BET1: variants seen among roughly 807,000 people sequenced by gnomAD.
BET1 encodes the protein Bet1 golgi vesicular membrane trafficking protein.
BET1 carries 9 observed loss-of-function variants against 13.9 expected under a neutral mutation model. That is an observed-to-expected ratio of 0.65 (90% confidence interval 0.39 to 1.13). The LOEUF is 1.13. BET1 is among the 50% of genes most tolerant of loss of function. The probability of loss-of-function intolerance (pLI) is 0.01; values close to 1 mark genes in which losing one functional copy is unlikely to be tolerated. For missense variants in BET1, 127 were observed against 133.6 expected (o/e 0.95, Z 0.24); for synonymous variants, 39 against 47.3 (o/e 0.82, Z 0.72).
chr7:93,974,307 CTGTT>C (rs747863472), intron 5 of BET1, among the ~76,000 whole-genome samples: 3 of 151,930 alleles, frequency 2.0e-5, no homozygotes, highest in East Asian at 3.9e-4. Context: ...TAGTGACACT[CTGTT>C]AGTAGTAAGC....
chr7:93,990,552 T>C (rs1012547360), downstream of BET1, among the ~76,000 whole-genome samples: 2 of 152,136 alleles, frequency 1.3e-5, no homozygotes. Flanking sequence ...AAAGTCAGAT[T>C]CAGCTGTCTG....
intron 1 of BET1, among the ~76,000 whole-genome samples, chr7:94,003,740 T>G (rs1400189844): frequency 6.6e-6 from 1 of 152,200 alleles, no homozygotes; most frequent in Non-Finnish European, 1.5e-5. Context: ...TACATTTACC[T>G]TTGTAACTCA....
At chr7:93,992,952 G>A (rs954947725), downstream of BET1, 17 of 985,214 alleles carry the variant, frequency 1.7e-5, no homozygotes, top group Non-Finnish European at 2.0e-5. Context: ...TAACCTGTCA[G>A]GTAGAGGCCC....
intron 4 of BET1, among the ~76,000 whole-genome samples, chr7:93,976,997 T>G (rs1795346529): frequency 6.6e-5 from 10 of 152,200 alleles, no homozygotes. Flanking sequence ...TTCCTGCGAA[T>G]GCCCTTATTT....
chr7:93,987,444 A>G (rs1323497148), intron 4 of BET1, among the ~76,000 whole-genome samples: 1 of 152,168 alleles, frequency 6.6e-6, no homozygotes, highest in Non-Finnish European at 1.5e-5. Flanking sequence ...TCTTGTTCCA[A>G]TGGCTATCTT....
At chr7:93,973,783 G>A (rs922480009) in intron 5 of BET1, among the ~76,000 whole-genome samples, 1 of 151,938 alleles carries the variant, frequency 6.6e-6, no homozygotes, top group Non-Finnish European at 1.5e-5. Flanking sequence ...CTACATAAAG[G>A]TTTTAAAATG....
intron 6 of BET1, chr7:93,968,423 TA>T (rs1795208654): frequency 6.6e-6 from 1 of 151,816 alleles, no homozygotes; most frequent in Admixed American, 6.6e-5. Context: ...TTGACATTCT[TA>T]ACAATGTGCA....
At chr7:93,982,117 T>G (rs1266319470) in intron 4 of BET1, among the ~76,000 whole-genome samples, 1 of 152,144 alleles carries the variant, frequency 6.6e-6, no homozygotes, top group Non-Finnish European at 1.5e-5. Context: ...CATAATCTGC[T>G]AAAGGCAGGA....
intron 6 of BET1, among the ~76,000 whole-genome samples, chr7:93,969,902 GAATTGCAGAAAACAAT>G (rs1173056748): frequency 6.6e-4 from 100 of 151,834 alleles, no homozygotes; most frequent in African/African-American, 2.3e-3. Flanking sequence ...TTTCAAAATT[GAATTGCAGAAAACAAT>G]GTATACTATT....
chr7:93,976,699 T>C (rs1043518497), intron 4 of BET1, among the ~76,000 whole-genome samples: 6 of 152,088 alleles, frequency 3.9e-5, no homozygotes, highest in Admixed American at 6.6e-5. Context: ...ATTTCAATCG[T>C]TTTCGGAGAA....
chr7:93,988,759 T>G (rs1795573101), downstream of BET1, among the ~76,000 whole-genome samples: 1 of 151,798 alleles, frequency 6.6e-6, no homozygotes, highest in South Asian at 2.1e-4. Flanking sequence ...GAATATAATT[T>G]AGGTAAAAGA....
At chr7:93,974,369 G>T (rs576075667) in intron 5 of BET1, among the ~76,000 whole-genome samples, 1 of 151,972 alleles carries the variant, frequency 6.6e-6, no homozygotes, top group Non-Finnish European at 1.5e-5. Flanking sequence ...TCTAATAAAA[G>T]GAACCAGAAC....
intron 1 of BET1, chr7:93,999,514 T>G (rs995909672): frequency 1.9e-6 from 1 of 523,012 alleles, no homozygotes; most frequent in Non-Finnish European, 3.4e-6. Context: ...TTCAGTTCAT[T>G]TTGATACACA....
intron 5 of BET1, among the ~76,000 whole-genome samples, chr7:93,973,836 C>A (rs1390761938): frequency 2.0e-5 from 3 of 151,964 alleles, no homozygotes; most frequent in African/African-American, 7.2e-5. Flanking sequence ...CAAACTGTAG[C>A]AAATGTATCT....
downstream of BET1, among the ~76,000 whole-genome samples, chr7:93,990,172 T>A (rs1379365304): frequency 2.0e-5 from 3 of 151,968 alleles, no homozygotes; most frequent in African/African-American, 4.8e-5. Context: ...AATCTGTGTA[T>A]AATCAGACTA....
downstream of BET1, among the ~76,000 whole-genome samples, chr7:93,991,239 A>G (rs745584833): frequency 9.2e-5 from 14 of 152,224 alleles, no homozygotes; most frequent in Non-Finnish European, 2.1e-4. Flanking sequence ...GTTGAGAAAA[A>G]GTTAACATAT....
intron 3 of BET1, among the ~76,000 whole-genome samples, chr7:93,994,823 A>C (rs960762011): frequency 6.6e-6 from 1 of 152,218 alleles, no homozygotes; most frequent in Admixed American, 6.5e-5. Context: ...TAATACGGTT[A>C]GCAGTTAAAT....
rs17165956 is a variant in BET1, at chr7:93,994,331, T to C, written c.256A>G (p.Lys86Glu). 6.2e-7 allele frequency: 1 copy of C among 1,613,710 alleles called. No homozygotes were observed. Among genetic ancestry groups the C allele is most frequent in the Non-Finnish European group, 8.5e-7 (1 of 1,179,850 alleles). ...GTTTGGCTCCCTCTGGATAAAATCT[T>C]CAGTTTGCCCATAGTTTTACCTAGA... ...GFLGKTMGKL[K>E]ILSRGSQTKL... The change falls in exon 4 of 4, where the codon AAG becomes GAG. Residue 86 changes from lysine (K) to glutamate (E), a missense_variant. Transcript: ENST00000222547.
chr7:94,004,193 C>G lies in BET1; in HGVS notation c.19+5G>C, dbSNP rs1795976859. On this transcript the variant is annotated splice_donor_5th_base_variant and intron_variant, in intron 1 of 3. Coordinates refer to ENST00000222547, the MANE Select transcript of BET1 (RefSeq NM_005868.6). ...CCGAACTTCGAACCTCAGCCCTCTT[C>G]TTACCCAGGCCTGCACGCCTCATCC... The G allele has an allele frequency of 6.2e-7, 1 of 1,613,930 alleles. No homozygotes were observed. The highest frequency in any genetic ancestry group is 8.5e-7 in the Non-Finnish European group (1 of 1,179,942).
Sources: gnomAD v4.1 joint callset for allele counts (sites outside exome capture counted in the v4.1 genomes callset) on GRCh38, gnomAD v4.1.1 for gene constraint, MANE v1.5 for transcripts, NCBI Gene and HGNC (gene_info 2026-07-23, HGNC 2026-07-21) for gene names.